Variants in CNTNAP2 observed in about 807,000 individuals in gnomAD.
The protein encoded by CNTNAP2 is contactin associated protein 2.
CNTNAP2 carries 98 observed loss-of-function variants against 155.2 expected under a neutral mutation model. The ratio of observed to expected loss-of-function variants is 0.63; its 90% CI spans 0.54 to 0.75. The LOEUF is 0.75. Among genes scored for constraint, CNTNAP2 ranks in the 30% least tolerant of loss-of-function variants. CNTNAP2 has a pLI of 0.00. For missense variants in CNTNAP2, 1,727 were observed against 1,688.1 expected (o/e 1.02, Z -0.40); for synonymous variants, 651 against 631.2 (o/e 1.03, Z -0.47).
At chr7:146,333,324 A>G (rs908913632) in intron 1 of CNTNAP2, among the ~76,000 whole-genome samples, 5 of 152,106 alleles carry the variant, frequency 3.3e-5, no homozygotes, top group Non-Finnish European at 7.4e-5. Context: ...TATTCTTGCA[A>G]TGTTGGGTGA....
chr7:146,358,437 C>G (rs541761688), intron 1 of CNTNAP2, among the ~76,000 whole-genome samples: 6 of 152,324 alleles, frequency 3.9e-5, no homozygotes, highest in African/African-American at 1.4e-4. Context: ...TTTTCCTGGA[C>G]TGTAGACTTT....
intron 10 of CNTNAP2, among the ~76,000 whole-genome samples, chr7:147,466,078 A>ATATGCCTACATTG (rs1798114786): frequency 6.6e-6 from 1 of 152,222 alleles, no homozygotes; most frequent in African/African-American, 2.4e-5. Context: ...TATACATGGG[A>ATATGCCTACATTG]GCCTGTAGAA....
chr7:147,972,367 T>G (rs1801348196), intron 14 of CNTNAP2, among the ~76,000 whole-genome samples: 1 of 152,198 alleles, frequency 6.6e-6, no homozygotes, highest in Admixed American at 6.5e-5. Context: ...TTCATAATAT[T>G]TGGTAGAAGA....
intron 10 of CNTNAP2, among the ~76,000 whole-genome samples, chr7:147,449,108 T>A (rs1029346935): frequency 2.0e-5 from 3 of 152,112 alleles, no homozygotes; most frequent in Admixed American, 6.5e-5. Flanking sequence ...GCAAGATAAA[T>A]CATTTACTGT....
intron 12 of CNTNAP2, among the ~76,000 whole-genome samples, chr7:147,623,898 T>C (rs938108673): frequency 9.9e-5 from 15 of 152,186 alleles, no homozygotes; most frequent in Admixed American, 9.2e-4. Context: ...AACAGCATGG[T>C]ACAGCATAAA....
intron 1 of CNTNAP2, among the ~76,000 whole-genome samples, chr7:146,526,659 A>G (rs1183862867): frequency 6.6e-6 from 1 of 152,130 alleles, no homozygotes; most frequent in Non-Finnish European, 1.5e-5. Flanking sequence ...TTGAGTGGGG[A>G]TGTACATTCA....
chr7:148,247,594 A>G (rs1796286319), intron 20 of CNTNAP2, among the ~76,000 whole-genome samples: 1 of 116,094 alleles, frequency 8.6e-6, no homozygotes, highest in African/African-American at 3.6e-5. Context: ...AGCTTCTCCC[A>G]TTCTCTCTCT....
intron 14 of CNTNAP2, among the ~76,000 whole-genome samples, chr7:147,940,608 C>T (rs1178053248): frequency 6.6e-6 from 1 of 152,120 alleles, no homozygotes; most frequent in Non-Finnish European, 1.5e-5. Context: ...GAACACAACT[C>T]TCTGCAGCCT....
intron 11 of CNTNAP2, among the ~76,000 whole-genome samples, chr7:147,556,837 A>G (rs1799960647): frequency 6.6e-6 from 1 of 152,186 alleles, no homozygotes; most frequent in African/African-American, 2.4e-5. Context: ...GTTTTAAGTC[A>G]CTAAGTGTCT....
rs5888308 is a variant in CNTNAP2 at position 148,166,488 on chromosome 7, G to GT, written c.2774-5743dup. On this transcript the variant is annotated intron_variant, in intron 17 of 23. Coordinates refer to ENST00000361727, the MANE Select transcript of CNTNAP2 (RefSeq NM_014141.6). Reference sequence around the variant, plus strand: ...ATTAAGTTCTGAATTTGAGGACAGTGTTTTTTTTTTTATAATTCCTCTTGA... The same window carrying GT: ...ATTAAGTTCTGAATTTGAGGACAGTGTTTTTTTTTTTTATAATTCCTCTTGA... Among the ~76,000 whole-genome samples the GT allele has an allele frequency of 7.9e-3, 1,166 of 148,110 alleles. 12 individuals carry two copies. Among genetic ancestry groups the GT allele is most frequent in the African/African-American group, 0.025 (1,010 of 40,880 alleles).
At chr7:148,345,551 T>A (rs1054924716) in intron 21 of CNTNAP2, among the ~76,000 whole-genome samples, 2 of 152,066 alleles carry the variant, frequency 1.3e-5, no homozygotes, top group South Asian at 2.1e-4. Context: ...TTTACTATTT[T>A]ACTCTACTAT....
chr7:146,527,581 A>C (rs796880193), intron 1 of CNTNAP2, among the ~76,000 whole-genome samples: 25 of 152,142 alleles, frequency 1.6e-4, no homozygotes, highest in African/African-American at 5.8e-4. Flanking sequence ...TGATGATTTC[A>C]CATTAATTTT....
intron 14 of CNTNAP2, among the ~76,000 whole-genome samples, chr7:147,920,520 TTGTC>T (rs1030964435): frequency 5.9e-5 from 9 of 152,180 alleles, no homozygotes; most frequent in African/African-American, 2.2e-4. Context: ...GAAGGACTGG[TTGTC>T]TGTGCCTACC....
intron 8 of CNTNAP2, among the ~76,000 whole-genome samples, chr7:147,193,565 G>A (rs929121314): frequency 6.6e-6 from 1 of 152,106 alleles, no homozygotes. Flanking sequence ...TGATTTAGAG[G>A]CACACAGAGC....
At chr7:146,634,631 C>A (rs1799568170) in intron 1 of CNTNAP2, among the ~76,000 whole-genome samples, 1 of 152,120 alleles carries the variant, frequency 6.6e-6, no homozygotes, top group African/African-American at 2.4e-5. Context: ...TTATCACATG[C>A]CAGTCATTAG....
intron 1 of CNTNAP2, among the ~76,000 whole-genome samples, chr7:146,554,308 A>AT (rs1175795536): frequency 3.3e-5 from 5 of 152,030 alleles, no homozygotes; most frequent in Non-Finnish European, 7.4e-5. Flanking sequence ...TGTGGAAATC[A>AT]TTTTTCAGCC....
chr7:147,576,101 T>C (rs1213229685), intron 12 of CNTNAP2, among the ~76,000 whole-genome samples: 1 of 83,238 alleles, frequency 1.2e-5, no homozygotes, highest in Non-Finnish European at 2.3e-5. Flanking sequence ...CTATTATTAT[T>C]ATTTGAAAAT....
At chr7:146,251,488 G>A (rs913417777) in intron 1 of CNTNAP2, among the ~76,000 whole-genome samples, 24 of 152,120 alleles carry the variant, frequency 1.6e-4, no homozygotes, top group African/African-American at 5.1e-4. Context: ...AGTTAAGAAT[G>A]AAGAATTATA....
At chr7:147,209,749 G>T (rs938549427) in intron 8 of CNTNAP2, among the ~76,000 whole-genome samples, 14 of 151,818 alleles carry the variant, frequency 9.2e-5, no homozygotes, top group African/African-American at 3.1e-4. Flanking sequence ...CTATTTTGAG[G>T]TATGTTCCTT....
Sources: allele counts gnomAD v4.1 joint callset (sites outside exome capture counted in the v4.1 genomes callset), GRCh38; gene constraint gnomAD v4.1.1; transcripts MANE v1.5; gene names NCBI Gene and HGNC (gene_info 2026-07-23, HGNC 2026-07-21).